The following GRM7 variants were observed in gnomAD, a reference collection of about 807,000 sequenced individuals.
GRM7 encodes glutamate metabotropic receptor 7.
Under a neutral mutation model 84.5 loss-of-function variants are expected in GRM7, and 35 were observed. That is an observed-to-expected ratio of 0.41 (90% CI 0.32 to 0.55). The LOEUF is 0.55. Ranked by LOEUF, GRM7 falls within the 20% of genes least tolerant of loss-of-function variation. The pLI, the probability that GRM7 is intolerant of heterozygous loss-of-function variation, is 0.19. For missense variants in GRM7, 1,003 were observed against 1,194.6 expected (o/e 0.84, Z 2.36); for synonymous variants, 487 against 455.1 (o/e 1.07, Z -0.89).
At position 7,088,601 on chromosome 3, in the gene GRM7, A is replaced by G. The variant is rs187884860; in HGVS notation, c.520-57851A>G. 1.3e-4 allele frequency among the ~76,000 whole-genome samples: 20 copies of G among 149,876 alleles called. No homozygotes were observed. The East Asian group carries it at 2.5e-3, about 19-fold the overall frequency. ...TGGTTACAACCTCTCCACTTTAAAA[A>G]CAAACATGGATCGTTGAATGAATCC... On this transcript the variant is annotated intron_variant, in intron 1 of 9. Coordinates refer to ENST00000357716, the MANE Select transcript of GRM7 (RefSeq NM_000844.4).
At chr3:7,722,266 AT>A (rs1701977530) in intron 9 of GRM7, among the ~76,000 whole-genome samples, 1 of 152,204 alleles carries the variant, frequency 6.6e-6, no homozygotes, top group African/African-American at 2.4e-5. Flanking sequence ...TTGAGTACAA[AT>A]TTTACCAAGT....
At chr3:7,623,794 A>G (rs555252303) in intron 8 of GRM7, among the ~76,000 whole-genome samples, 3 of 152,320 alleles carry the variant, frequency 2.0e-5, no homozygotes, top group Admixed American at 2.0e-4. Context: ...TGATAAAATA[A>G]CATACATAAT....
intron 1 of GRM7, among the ~76,000 whole-genome samples, chr3:7,010,258 C>G (rs995940015): frequency 6.6e-6 from 1 of 152,086 alleles, no homozygotes; most frequent in Non-Finnish European, 1.5e-5. Context: ...GGAACCCAGC[C>G]TGGGCAACAC....
intron 7 of GRM7, among the ~76,000 whole-genome samples, chr3:7,526,000 GA>G (rs1233109077): frequency 1.3e-5 from 2 of 151,490 alleles, no homozygotes; most frequent in African/African-American, 2.4e-5. Context: ...TTGCTACTGT[GA>G]AAAACATATG....
At chr3:7,117,373 A>C (rs1286239402) in intron 1 of GRM7, among the ~76,000 whole-genome samples, 2 of 152,326 alleles carry the variant, frequency 1.3e-5, no homozygotes, top group Admixed American at 1.3e-4. Context: ...GGCCTCCACA[A>C]CATTCTAAAC....
chr3:7,638,400 A>G (rs1307904596), intron 8 of GRM7, among the ~76,000 whole-genome samples: 1 of 152,210 alleles, frequency 6.6e-6, no homozygotes, highest in African/African-American at 2.4e-5. Flanking sequence ...AGACATCAGT[A>G]TCCCCTTTTA....
chr3:7,461,730 CTGCT>C lies in GRM7; in HGVS notation c.1515+14_1515+17del. 6.2e-7 allele frequency: 1 copy of C among 1,612,452 alleles called. No individual in the cohort carries two copies. Among genetic ancestry groups the C allele is most frequent in the Non-Finnish European group, 8.5e-7 (1 of 1,178,618 alleles). On this transcript the variant is annotated intron_variant, in intron 7 of 9. Coordinates refer to ENST00000357716, the MANE Select transcript of GRM7 (RefSeq NM_000844.4). ...GACGAACTTCAGCTCAATGTGAGTT[CTGCT>C]TGCTTCTCTTCTTCCCTTGTTGAGA...
At chr3:7,371,512 G>A (rs1694132737) in intron 4 of GRM7, among the ~76,000 whole-genome samples, 2 of 152,280 alleles carry the variant, frequency 1.3e-5, no homozygotes, top group South Asian at 4.1e-4. Flanking sequence ...GGTTAATCTA[G>A]ATGTTATTAA....
chr3:7,395,884 T>C (rs1037493287), intron 4 of GRM7, among the ~76,000 whole-genome samples: 16 of 152,122 alleles, frequency 1.1e-4, no homozygotes, highest in African/African-American at 2.4e-5. Flanking sequence ...ATATTTTCAG[T>C]TTCAAATATC....
intron 1 of GRM7, among the ~76,000 whole-genome samples, chr3:6,952,193 GAATCATATTTAGTCTAA>G (rs1692808878): frequency 6.6e-6 from 1 of 152,134 alleles, no homozygotes; most frequent in African/African-American, 2.4e-5. Flanking sequence ...GGAAGGAACA[GAATCATATTTAGTCTAA>G]GGTTATTCCC....
chr3:7,697,264 T>C (rs1314424724), intron 9 of GRM7, among the ~76,000 whole-genome samples: 2 of 152,232 alleles, frequency 1.3e-5, no homozygotes, highest in Admixed American at 1.3e-4. Flanking sequence ...GTAATCAACT[T>C]GCCCTTATGT....
At chr3:7,054,498 G>A (rs572940390) in intron 1 of GRM7, among the ~76,000 whole-genome samples, 1 of 151,672 alleles carries the variant, frequency 6.6e-6, no homozygotes, top group African/African-American at 2.4e-5. Flanking sequence ...ACGTTAAACT[G>A]AAATAATGAG....
intron 8 of GRM7, among the ~76,000 whole-genome samples, chr3:7,660,266 G>A (rs564008932): frequency 7.2e-4 from 109 of 152,238 alleles, no homozygotes; most frequent in African/African-American, 2.3e-3. Flanking sequence ...AACAATTGGT[G>A]CCTCTTGACA....
chr3:6,880,603 A>C (rs938203356), intron 1 of GRM7, among the ~76,000 whole-genome samples: 2 of 152,012 alleles, frequency 1.3e-5, no homozygotes, highest in Non-Finnish European at 2.9e-5. Context: ...AATTTTCACA[A>C]ATTTTCCTTT....
intron 4 of GRM7, among the ~76,000 whole-genome samples, chr3:7,329,551 A>T (rs776607053): frequency 3.3e-5 from 5 of 152,194 alleles, no homozygotes; most frequent in Admixed American, 1.3e-4. Context: ...AGCCAGGTGA[A>T]TGGATTAGAC....
intron 5 of GRM7, among the ~76,000 whole-genome samples, chr3:7,415,783 G>T (rs1696134249): frequency 6.6e-6 from 1 of 152,126 alleles, no homozygotes; most frequent in Non-Finnish European, 1.5e-5. Context: ...GGATCTGGTG[G>T]TGAGCAAACT....
At chr3:7,203,504 C>G (rs765787975) in intron 2 of GRM7, among the ~76,000 whole-genome samples, 2 of 152,006 alleles carry the variant, frequency 1.3e-5, no homozygotes, top group Non-Finnish European at 2.9e-5. Context: ...TTGATGGGCT[C>G]TTAGGTTGAT....
chr3:7,518,227 A>T (rs1163443375), intron 7 of GRM7, among the ~76,000 whole-genome samples: 2 of 152,188 alleles, frequency 1.3e-5, no homozygotes, highest in East Asian at 3.9e-4. Context: ...GTCTTCAACT[A>T]GGAAGGCCTT....
At chr3:7,357,034 A>T (rs1325124038) in intron 4 of GRM7, among the ~76,000 whole-genome samples, 2 of 149,904 alleles carry the variant, frequency 1.3e-5, no homozygotes, top group African/African-American at 4.9e-5. Flanking sequence ...TATAAATTGT[A>T]TAATATATAT....
Sources: allele counts gnomAD v4.1 joint callset (sites outside exome capture counted in the v4.1 genomes callset), GRCh38; gene constraint gnomAD v4.1.1; transcripts MANE v1.5; gene names NCBI Gene and HGNC (gene_info 2026-07-23, HGNC 2026-07-21).